Variants in SLC6A3 observed in about 807,000 individuals in gnomAD.
SLC6A3 encodes solute carrier family 6 member 3.
Under a neutral mutation model 70.4 loss-of-function variants are expected in SLC6A3, and 19 were observed. That is an observed-to-expected ratio of 0.27 (90% confidence interval 0.19 to 0.40). The LOEUF is 0.40. SLC6A3 is among the 10% of genes least tolerant of loss of function. The pLI, the probability that SLC6A3 is intolerant of heterozygous loss-of-function variation, is 1.00. For missense variants in SLC6A3, 613 were observed against 838.5 expected (o/e 0.73, Z 3.32); for synonymous variants, 368 against 356.6 (o/e 1.03, Z -0.36).
intron 6 of SLC6A3, among the ~76,000 whole-genome samples, chr5:1,418,607 CATCCATCCACCCATCCATCATCG>C (rs1173139871): frequency 2.6e-5 from 4 of 151,866 alleles, no homozygotes; most frequent in South Asian, 2.1e-4. Flanking sequence ...ATCCATCATC[CATCCATCCACCCATCCATCATCG>C]ATCCATCCAT....
intron 1 of SLC6A3, among the ~76,000 whole-genome samples, chr5:1,444,252 C>G (rs924694017): frequency 5.3e-5 from 8 of 152,194 alleles, no homozygotes; most frequent in Non-Finnish European, 1.2e-4. Flanking sequence ...CATAAACCCC[C>G]CTGCAACGCT....
chr5:1,440,918 A>G (rs962840386), intron 3 of SLC6A3, among the ~76,000 whole-genome samples: 1 of 152,190 alleles, frequency 6.6e-6, no homozygotes, highest in Non-Finnish European at 1.5e-5. Flanking sequence ...CAGGAAACAG[A>G]TACAGATAGA....
chr5:1,408,374 C>G lies in SLC6A3; in HGVS notation c.1498+652G>C, dbSNP rs1342603703. ...TCATGGCGAGATGCCCTGGCTCGGCCTCGCCACTTCCCTGGAAGTGAGCTG... is the reference window on the plus strand; with the variant it reads ...TCATGGCGAGATGCCCTGGCTCGGCGTCGCCACTTCCCTGGAAGTGAGCTG... On this transcript the variant is annotated intron_variant, in intron 11 of 14. Coordinates refer to ENST00000270349, the MANE Select transcript of SLC6A3 (RefSeq NM_001044.5). The surrounding 1 kb of genome is among the most constrained non-coding windows in gnomAD (Gnocchi z 6.4). 6.6e-6 allele frequency among the ~76,000 whole-genome samples: 1 copy of G among 152,106 alleles called. No individual in the cohort carries two copies. The highest frequency in any genetic ancestry group is 1.9e-4 in the East Asian group (1 of 5,194).
chr5:1,437,116 T>C lies in SLC6A3; in HGVS notation c.418+4243A>G, dbSNP rs1470213807. Among the ~76,000 whole-genome samples the C allele has an allele frequency of 2.0e-5, 3 of 151,732 alleles. No homozygotes were observed. Among genetic ancestry groups the C allele is most frequent in the African/African-American group, 7.3e-5 (3 of 41,280 alleles). On this transcript the variant is annotated intron_variant, in intron 3 of 14. Transcript: ENST00000270349. The surrounding 1 kb of genome is among the most constrained non-coding windows in gnomAD (Gnocchi z 4.8). ...AATACAAAAAATTAGCGGGGCGTGG[T>C]GGCACGCACCTGTAGCCCCAGCTAC...
Position 1,408,087 on chromosome 5 carries a change from G to A in SLC6A3, c.1498+939C>T, listed in dbSNP as rs992150899. Among the ~76,000 whole-genome samples the A allele has an allele frequency of 2.0e-5, 3 of 151,744 alleles. No homozygotes were observed. The highest frequency in any genetic ancestry group is 6.6e-5 in the Admixed American group (1 of 15,232). ...GCAATCTCGGGTGACTGCAACCTCC[G>A]CCTTCCGGGTTCAAGCTGAATCATA... On this transcript the variant is annotated intron_variant, in intron 11 of 14. Coordinates refer to ENST00000270349, the MANE Select transcript of SLC6A3 (RefSeq NM_001044.5). This position sits in a 1 kb window ranked among gnomAD's most constrained non-coding sequence, Gnocchi z 6.4.
rs1373434146 is a variant in SLC6A3 at position 1,402,473 on chromosome 5, C to G, written c.1767+449G>C. On this transcript the variant is annotated intron_variant, in intron 13 of 14. Coordinates refer to ENST00000270349, the MANE Select transcript of SLC6A3 (RefSeq NM_001044.5). The surrounding 1 kb of genome is among the most constrained non-coding windows in gnomAD (Gnocchi z 8.5). ...CTAGATCACCCCTGATTCTACCGCC[C>G]TCAGATGGCTTCTGTGTCCACCACA... 5.9e-5 allele frequency among the ~76,000 whole-genome samples: 9 copies of G among 152,238 alleles called. No homozygotes were observed. The East Asian group carries it at 1.7e-3, about 29-fold the overall frequency.
chr5:1,412,560 C>T (rs1560911717), intron 8 of SLC6A3, among the ~76,000 whole-genome samples: 1 of 152,216 alleles, frequency 6.6e-6, no homozygotes, highest in Non-Finnish European at 1.5e-5. Flanking sequence ...GAGAGTGTGG[C>T]AGGCAGGCGA....
At chr5:1,398,360 C>CAAAAAA (rs57135183) in intron 14 of SLC6A3, among the ~76,000 whole-genome samples, 2 of 69,078 alleles carry the variant, frequency 2.9e-5, no homozygotes, top group African/African-American at 5.0e-5. Context: ...GACTCCACCT[C>CAAAAAA]AAAAAAAAAA....
At chr5:1,440,925 T>A (rs1025751074) in intron 3 of SLC6A3, among the ~76,000 whole-genome samples, 1 of 152,008 alleles carries the variant, frequency 6.6e-6, no homozygotes, top group Non-Finnish European at 1.5e-5. Context: ...CAGATACAGA[T>A]AGATGATGAT....
Position 1,393,359 on chromosome 5 carries a change from C to G in SLC6A3, c.*1376G>C, listed in dbSNP as rs968446240. 1 of 152,546 alleles carries G rather than the reference C, an allele frequency of 6.6e-6. No individual in the cohort carries two copies. The highest frequency in any genetic ancestry group is 2.1e-4 in the South Asian group (1 of 4,844). 9.4% of individuals were successfully genotyped at this position (152,546 alleles called of 1,614,324 possible). On this transcript the variant is annotated 3_prime_UTR_variant, in exon 15 of 15. Transcript: ENST00000270349. The stretch of plus-strand genomic sequence containing the variant: ...CCTTCACTCAGTATTGCTAATTATT[C>G]TTGTAAACAAAAACTGCAATATCAG...
chr5:1,420,514 C>T, intron 6 of SLC6A3, 55 bp downstream of exon 6: 1 of 1,608,256 alleles, frequency 6.2e-7, no homozygotes, highest in South Asian at 1.1e-5. Flanking sequence ...CATATGGAAA[C>T]CTGGGAATGC....
chr5:1,401,152 T>G lies in SLC6A3; in HGVS notation c.1768-166A>C, dbSNP rs1325587066. 12 of 704,544 alleles carry G rather than the reference T, an allele frequency of 1.7e-5. No homozygotes were observed. The African/African-American group carries it at 1.9e-4, about 11-fold the overall frequency. The allele number at this position is 704,544 out of a possible 1,614,324, so 43.6% of individuals were successfully genotyped here. On this transcript the variant is annotated intron_variant, in intron 13 of 14. Coordinates refer to ENST00000270349, the MANE Select transcript of SLC6A3 (RefSeq NM_001044.5). This position sits in a 1 kb window ranked among gnomAD's most constrained non-coding sequence, Gnocchi z 6.1. Reference sequence around the variant, plus strand: ...CATCCATATCACCAGCGCCCACCACTGACTTACACTGCCAGTGCCCATGCC... The same window carrying G: ...CATCCATATCACCAGCGCCCACCACGGACTTACACTGCCAGTGCCCATGCC...
In SLC6A3 at chr5:1,394,540, A is replaced by G; in HGVS notation, c.*195T>C. ...CGTCGTTATTACAGCAACACAAGAC[A>G]CGGCGAGGTGCGCTCCCGGCACGGA... On this transcript the variant is annotated 3_prime_UTR_variant, in exon 15 of 15. Coordinates refer to ENST00000270349, the MANE Select transcript of SLC6A3 (RefSeq NM_001044.5). This position sits in a 1 kb window ranked among gnomAD's most constrained non-coding sequence, Gnocchi z 4.7. 1 of 689,668 alleles carries G rather than the reference A, an allele frequency of 1.4e-6. No individual in the cohort carries two copies. The highest frequency in any genetic ancestry group is 2.1e-5 in the Admixed American group (1 of 48,440). 42.7% of individuals were successfully genotyped at this position (689,668 alleles called of 1,614,324 possible). A position where few individuals can be genotyped will look rare whatever the true frequency, so the allele number is the denominator to read the frequency against.
rs1755737229 is a variant in SLC6A3 at position 1,396,992 on chromosome 5, G to T, written c.1840-2234C>A. Among the ~76,000 whole-genome samples the T allele has an allele frequency of 1.3e-5, 2 of 152,202 alleles. No individual in the cohort carries two copies. The highest frequency in any genetic ancestry group is 1.3e-4 in the Admixed American group (2 of 15,282). ...GTTTTCCTGCTGTGGGCTCACAAGG[G>T]TCTGTTTGTTACGGTGACAAATTAA... On this transcript the variant is annotated intron_variant, in intron 14 of 14. Coordinates refer to ENST00000270349, the MANE Select transcript of SLC6A3 (RefSeq NM_001044.5). This position sits in a 1 kb window ranked among gnomAD's most constrained non-coding sequence, Gnocchi z 7.0.
rs1166483479 is a variant in SLC6A3, at chr5:1,396,921, C to T, written c.1840-2163G>A. On this transcript the variant is annotated intron_variant, in intron 14 of 14. Coordinates refer to ENST00000270349, the MANE Select transcript of SLC6A3 (RefSeq NM_001044.5). The surrounding 1 kb of genome is among the most constrained non-coding windows in gnomAD (Gnocchi z 7.0). Reference sequence around the variant, plus strand: ...AGGGCAAGGGAAAGATCAAGCTAGACGCAGATACAGAATGGGTGAGGGGCA... The same window carrying T: ...AGGGCAAGGGAAAGATCAAGCTAGATGCAGATACAGAATGGGTGAGGGGCA... 2.6e-5 allele frequency among the ~76,000 whole-genome samples: 4 copies of T among 152,152 alleles called. No homozygotes were observed. The highest frequency in any genetic ancestry group is 4.1e-4 in the South Asian group (2 of 4,830).
chr5:1,431,923 C>T (rs988263155), intron 4 of SLC6A3, among the ~76,000 whole-genome samples: 6 of 152,312 alleles, frequency 3.9e-5, no homozygotes, highest in Admixed American at 1.3e-4. Flanking sequence ...TTGTGAAAAG[C>T]GGACGGCTGG....
Position 1,400,915 on chromosome 5 carries a change from C to A in SLC6A3, c.1839G>T (p.Thr613=), listed in dbSNP as rs35337610. ...GGCCCAGCAGGGACCTCGACCTCAC[C>A]GTGAACTGGCGCACCTCCCCTCTGT... ...LVDRGEVRQF[T]LRHWLKV The change falls in exon 14 of 15, where the codon ACG becomes ACT. Residue 613 remains threonine (T), a splice_region_variant and synonymous_variant. Transcript: ENST00000270349. 1 of 1,581,316 alleles carries A rather than the reference C, an allele frequency of 6.3e-7. No homozygotes were observed. Among genetic ancestry groups the A allele is most frequent in the East Asian group, 2.3e-5 (1 of 43,332 alleles).
intron 14 of SLC6A3, 99 bp downstream of exon 14, chr5:1,400,816 A>AGCCCTG: frequency 1.1e-6 from 1 of 878,642 alleles, no homozygotes; most frequent in Non-Finnish European, 1.9e-6. Flanking sequence ...AATGAGCACC[A>AGCCCTG]TCTACACCAG....
Position 1,441,345 on chromosome 5 carries a change from C to T in SLC6A3, c.418+14G>A. Reference sequence around the variant, plus strand: ...CGCGCTGCGCCAGGGTGAAGGGAGGCACCCGCATATTACCTTTCAGTATGG... The same window carrying T: ...CGCGCTGCGCCAGGGTGAAGGGAGGTACCCGCATATTACCTTTCAGTATGG... On this transcript the variant is annotated intron_variant, in intron 3 of 14. Transcript: ENST00000270349. 6.2e-7 allele frequency: 1 copy of T among 1,614,196 alleles called. No homozygotes were observed. The highest frequency in any genetic ancestry group is 8.5e-7 in the Non-Finnish European group (1 of 1,180,030).
Sources: allele counts gnomAD v4.1 joint callset (sites outside exome capture counted in the v4.1 genomes callset), GRCh38; gene constraint gnomAD v4.1.1; non-coding constraint Gnocchi (gnomAD v3.1); transcripts MANE v1.5; gene names NCBI Gene and HGNC (gene_info 2026-07-23, HGNC 2026-07-21).